The following SSR3 variants were observed in gnomAD, a reference collection of about 807,000 sequenced individuals.
SSR3 encodes the protein signal sequence receptor subunit 3.
Under a neutral mutation model 22.1 loss-of-function variants are expected in SSR3, and 10 were observed. That is an observed-to-expected ratio of 0.45 (90% CI 0.28 to 0.77). The LOEUF (loss-of-function observed/expected upper bound fraction) is 0.77, where lower values mean the gene tolerates loss of function less well. Among genes scored for constraint, SSR3 ranks in the 30% least tolerant of loss-of-function variants. The pLI is 0.13. For synonymous variants in SSR3, 104 were observed against 82.5 expected, an observed-to-expected ratio of 1.26 and a Z score of -1.42; for missense variants, 181 against 220.5, an observed-to-expected ratio of 0.82 and a Z score of 1.13.
chr3:156,553,239 G>T (rs1720028359), intron 2 of SSR3, among the ~76,000 whole-genome samples: 1 of 151,282 alleles, frequency 6.6e-6, no homozygotes, highest in South Asian at 2.1e-4. Flanking sequence ...GACTGGGCAA[G>T]AACTAGACCT....
In SSR3 at chr3:156,539,789, G is replaced by A. The variant is rs1719358151; in HGVS notation, c.*3414C>T. Among the ~76,000 whole-genome samples, 1 of 152,186 alleles carries A rather than the reference G, an allele frequency of 6.6e-6. No individual in the cohort carries two copies. The highest frequency in any genetic ancestry group is 1.5e-5 in the Non-Finnish European group (1 of 68,036). ...CCATCCTGTCTCCAGAAGCAGCAGTGACTGGCATGCACACTGAAAACAAAG... is the reference window on the plus strand; with the variant it reads ...CCATCCTGTCTCCAGAAGCAGCAGTAACTGGCATGCACACTGAAAACAAAG... On this transcript the variant is annotated 3_prime_UTR_variant, in exon 5 of 5. Transcript: ENST00000265044.
chr3:156,542,667 T>C lies in SSR3; in HGVS notation c.*536A>G, dbSNP rs1719606436. On this transcript the variant is annotated 3_prime_UTR_variant, in exon 5 of 5. Coordinates refer to ENST00000265044, the MANE Select transcript of SSR3 (RefSeq NM_007107.5). ...AAAAAAGAACTTTTCCACAAGTTTC[T>C]CTTCCTCTAGTTGGAAAATTAGAGA... 1 of 152,324 alleles carries C rather than the reference T, an allele frequency of 6.6e-6. No homozygotes were observed. Among genetic ancestry groups the C allele is most frequent in the South Asian group, 2.1e-4 (1 of 4,828 alleles). The allele number at this position is 152,324 out of a possible 1,614,324, so 9.4% of individuals were successfully genotyped here. A position where few individuals can be genotyped will look rare whatever the true frequency, so the allele number is the denominator to read the frequency against.
rs1324874425 is a variant in SSR3 at position 156,541,097 on chromosome 3, C to A, written c.*2106G>T. The A allele has an allele frequency of 6.6e-6, 1 of 152,188 alleles. No individual in the cohort carries two copies. The highest frequency in any genetic ancestry group is 1.5e-5 in the Non-Finnish European group (1 of 68,024). 9.4% of individuals were successfully genotyped at this position (152,188 alleles called of 1,614,324 possible). On this transcript the variant is annotated 3_prime_UTR_variant, in exon 5 of 5. Transcript: ENST00000265044. ...CAAATTTTGCTCACTCATTTTCCTA[C>A]AAATCTTCAGTTTATTAATTCAAGA...
At chr3:156,544,127 A>T (rs1719670532) in intron 4 of SSR3, 181 bp downstream of exon 4, 1 of 459,676 alleles carries the variant, frequency 2.2e-6, no homozygotes, top group Non-Finnish European at 3.7e-6. Context: ...TAAACTTAAA[A>T]GAATCTTAAA....
chr3:156,541,019 T>C lies in SSR3; in HGVS notation c.*2184A>G, dbSNP rs2108443488. On this transcript the variant is annotated 3_prime_UTR_variant, in exon 5 of 5. Coordinates refer to ENST00000265044, the MANE Select transcript of SSR3 (RefSeq NM_007107.5). ...AAATGTATCTATTAGTACAGAAAGTTGGAAAACATCAAGATTAAAAACAGT... is the reference window on the plus strand; with the variant it reads ...AAATGTATCTATTAGTACAGAAAGTCGGAAAACATCAAGATTAAAAACAGT... 6.6e-6 allele frequency: 1 copy of C among 151,584 alleles called. No homozygotes were observed. Among genetic ancestry groups the C allele is most frequent in the East Asian group, 1.9e-4 (1 of 5,140 alleles). The allele number at this position is 151,584 out of a possible 1,614,324, so 9.4% of individuals were successfully genotyped here. A position where few individuals can be genotyped will look rare whatever the true frequency, so the allele number is the denominator to read the frequency against.
At chr3:156,554,433 A>C (rs913822351) in intron 1 of SSR3, among the ~76,000 whole-genome samples, 1 of 152,196 alleles carries the variant, frequency 6.6e-6, no homozygotes, top group Non-Finnish European at 1.5e-5. Flanking sequence ...AATAAGGTAG[A>C]TCCCTAACCC....
At position 156,539,850 on chromosome 3, in the gene SSR3, C is replaced by A. The variant is rs1576994353; in HGVS notation, c.*3353G>T. On this transcript the variant is annotated 3_prime_UTR_variant, in exon 5 of 5. Coordinates refer to ENST00000265044, the MANE Select transcript of SSR3 (RefSeq NM_007107.5). ...GGCAGGAAGGCACAGCAGGTACATA[C>A]TGGCAGAGGCCTGATGTCTGCCCTT... Among the ~76,000 whole-genome samples the A allele has an allele frequency of 6.6e-6, 1 of 152,340 alleles. No individual in the cohort carries two copies. The highest frequency in any genetic ancestry group is 2.1e-4 in the South Asian group (1 of 4,830).
rs2108444382 is a variant in SSR3, at chr3:156,542,030, G to C, written c.*1173C>G. 6.6e-6 allele frequency: 1 copy of C among 152,260 alleles called. No individual in the cohort carries two copies. Among genetic ancestry groups the C allele is most frequent in the Middle Eastern group, 3.4e-3 (1 of 294 alleles). The allele number at this position is 152,260 out of a possible 1,614,324, so 9.4% of individuals were successfully genotyped here. On this transcript the variant is annotated 3_prime_UTR_variant, in exon 5 of 5. Transcript: ENST00000265044. ...AAGATTAGGACTATATTTCCTTTGGGGTGCTGCTTGTAGGAAATTACTGAA... is the reference window on the plus strand; with the variant it reads ...AAGATTAGGACTATATTTCCTTTGGCGTGCTGCTTGTAGGAAATTACTGAA...
chr3:156,546,674 C>T (rs901125969), intron 3 of SSR3, among the ~76,000 whole-genome samples: 5 of 152,132 alleles, frequency 3.3e-5, no homozygotes, highest in Admixed American at 6.5e-5. Context: ...TAGTAGGGAA[C>T]GTGGTTTGGG....
intron 3 of SSR3, among the ~76,000 whole-genome samples, chr3:156,547,992 A>G (rs993487440): frequency 4.6e-5 from 7 of 152,196 alleles, no homozygotes; most frequent in African/African-American, 1.7e-4. Flanking sequence ...CTTGTTTTAT[A>G]TGCATTTTAA....
At position 156,542,888 on chromosome 3, in the gene SSR3, G is replaced by A. The variant is rs1222162583; in HGVS notation, c.*315C>T. On this transcript the variant is annotated 3_prime_UTR_variant, in exon 5 of 5. Coordinates refer to ENST00000265044, the MANE Select transcript of SSR3 (RefSeq NM_007107.5). The stretch of plus-strand genomic sequence containing the variant: ...ATTATATAATAAATAATAACAGCTC[G>A]GCCCAGGTTACTGTGACCTCTGACA... The A allele has an allele frequency of 7.0e-6, 2 of 285,374 alleles. No individual in the cohort carries two copies. The highest frequency in any genetic ancestry group is 6.1e-5 in the East Asian group (1 of 16,446). 17.7% of individuals were successfully genotyped at this position (285,374 alleles called of 1,614,324 possible). A position where few individuals can be genotyped will look rare whatever the true frequency, so the allele number is the denominator to read the frequency against.
chr3:156,551,496 T>C (rs1409018094), intron 2 of SSR3: 1 of 148,240 alleles, frequency 6.7e-6, no homozygotes, highest in East Asian at 2.1e-4. Context: ...AATCCTGGAA[T>C]AGCAGCTGGT....
Position 156,540,010 on chromosome 3 carries a change from C to T in SSR3, c.*3193G>A, listed in dbSNP as rs1456571077. 2 of 151,818 alleles carry T rather than the reference C, an allele frequency of 1.3e-5. No individual in the cohort carries two copies. The highest frequency in any genetic ancestry group is 6.6e-5 in the Admixed American group (1 of 15,240). The allele number at this position is 151,818 out of a possible 1,614,324, so 9.4% of individuals were successfully genotyped here. ...ATGTACCAAACCTGCATGGTCAGCA[C>T]ATGTATCCCAGAACTTAAAGTAAAA... On this transcript the variant is annotated 3_prime_UTR_variant, in exon 5 of 5. Transcript: ENST00000265044.
chr3:156,548,907 T>C lies in SSR3; in HGVS notation c.357A>G (p.Glu119=). Residue 119 remains glutamate (E), a splice_region_variant and synonymous_variant, in exon 3 of 5, where the codon GAA becomes GAG. Transcript: ENST00000265044. Reference sequence around the variant, plus strand: ...CATACTTTAAACAGGAGTCAAACCTTTCATCTTTCTCCTTCCGAGACATCT... The same window carrying C: ...CATACTTTAAACAGGAGTCAAACCTCTCATCTTTCTCCTTCCGAGACATCT... ...NRKMSRKEKD[E]RILWKKNEVA... 6.2e-7 allele frequency: 1 copy of C among 1,613,362 alleles called. No homozygotes were observed. The highest frequency in any genetic ancestry group is 8.5e-7 in the Non-Finnish European group (1 of 1,179,856).
rs1016496628 is a variant in SSR3 at position 156,553,835 on chromosome 3, C to A, written c.134-54G>T. On this transcript the variant is annotated intron_variant, in intron 1 of 4. Transcript: ENST00000265044. ...CAAAAAGAAGCAAAACATTACAACCCCGCAACAAAAGCCTGCGAAATTAAT... is the reference window on the plus strand; with the variant it reads ...CAAAAAGAAGCAAAACATTACAACCACGCAACAAAAGCCTGCGAAATTAAT... 4 of 1,542,950 alleles carry A rather than the reference C, an allele frequency of 2.6e-6. No individual in the cohort carries two copies. In the African/African-American group the frequency reaches 5.6e-5, roughly 21 times the overall value.
Position 156,540,590 on chromosome 3 carries a change from A to G in SSR3, c.*2613T>C, listed in dbSNP as rs1279877932. On this transcript the variant is annotated 3_prime_UTR_variant, in exon 5 of 5. Coordinates refer to ENST00000265044, the MANE Select transcript of SSR3 (RefSeq NM_007107.5). ...CACTGTACTCCAGCCTGGGTGACAG[A>G]GCGAGACGCTGTCTCAAAAAAAAAA... 2 of 117,420 alleles carry G rather than the reference A, an allele frequency of 1.7e-5. No homozygotes were observed. The highest frequency in any genetic ancestry group is 3.3e-5 in the Non-Finnish European group (2 of 60,822). The allele number at this position is 117,420 out of a possible 1,614,324, so 7.3% of individuals were successfully genotyped here. A position where few individuals can be genotyped will look rare whatever the true frequency, so the allele number is the denominator to read the frequency against.
chr3:156,545,016 T>A lies in SSR3; in HGVS notation c.360-577A>T, dbSNP rs1454078208. On this transcript the variant is annotated intron_variant, in intron 3 of 4. Coordinates refer to ENST00000265044, the MANE Select transcript of SSR3 (RefSeq NM_007107.5). ...CCTGTAAAATCCTTCTACTTTTTAT[T>A]CTATTTTACTTGTTCTGATAGTTTA... Among the ~76,000 whole-genome samples the A allele has an allele frequency of 2.0e-5, 3 of 152,252 alleles. No individual in the cohort carries two copies. The East Asian group carries it at 5.8e-4, about 29-fold the overall frequency.
chr3:156,548,699 A>G (rs1719844152), intron 3 of SSR3: 3 of 621,106 alleles, frequency 4.8e-6, no homozygotes, highest in Non-Finnish European at 8.1e-6. Context: ...AGAGGAATAA[A>G]TCAACTATTG....
intron 1 of SSR3, among the ~76,000 whole-genome samples, chr3:156,554,583 A>G (rs1021262478): frequency 1.1e-4 from 17 of 152,338 alleles, no homozygotes; most frequent in Middle Eastern, 3.4e-3. Context: ...AAAATAAGTA[A>G]TAAGTTTAAA....
Sources: gnomAD v4.1 joint callset for allele counts (sites outside exome capture counted in the v4.1 genomes callset) on GRCh38, gnomAD v4.1.1 for gene constraint, MANE v1.5 for transcripts, NCBI Gene and HGNC (gene_info 2026-07-23, HGNC 2026-07-21) for gene names.